SNAP23: variants seen among roughly 807,000 people sequenced by gnomAD.
SNAP23 encodes synaptosome associated protein 23, also known as synaptosomal-associated protein 23.
SNAP23 carries 11 observed loss-of-function variants against 29.0 expected under a neutral mutation model. That is an observed-to-expected ratio of 0.38 (90% CI 0.24 to 0.63). The LOEUF (loss-of-function observed/expected upper bound fraction) is 0.63. Among genes scored for constraint, SNAP23 ranks in the 20% least tolerant of loss-of-function variants. The pLI is 0.58. For missense variants in SNAP23, 220 were observed against 253.9 expected (o/e 0.87, Z 0.91); for synonymous variants, 60 against 82.9 (o/e 0.72, Z 1.50).
At chr15:42,496,427 G>C (rs1349006582) in intron 1 of SNAP23, among the ~76,000 whole-genome samples, 1 of 151,796 alleles carries the variant, frequency 6.6e-6, no homozygotes, top group South Asian at 2.1e-4. Flanking sequence ...CTATAAAGAA[G>C]TACCCAAGGC....
intron 5 of SNAP23, chr15:42,521,522 G>A (rs2057449314): frequency 2.7e-6 from 4 of 1,461,798 alleles, no homozygotes; most frequent in Non-Finnish European, 3.6e-6. Flanking sequence ...CTTTAAACCT[G>A]CTTCTGTTCT....
At chr15:42,502,290 C>G (rs1392835950) in intron 1 of SNAP23, among the ~76,000 whole-genome samples, 1 of 152,188 alleles carries the variant, frequency 6.6e-6, no homozygotes, top group Admixed American at 6.6e-5. Flanking sequence ...TCCCAAAGTG[C>G]TGGGATTACA....
At position 42,513,569 on chromosome 15, in the gene SNAP23, T is replaced by C. The variant is rs921110502; in HGVS notation, c.148+122T>C. ...TTCCCTTTGTAAAATAAGAATGTTA[T>C]GTTTACTTCTTGTCTTCTGATTTGA... is the stretch of plus-strand genomic sequence containing the variant. On this transcript the variant is annotated intron_variant, in intron 4 of 7. Transcript: ENST00000249647. 17 of 752,500 alleles carry C rather than the reference T, an allele frequency of 2.3e-5. No individual in the cohort carries two copies. In the African/African-American group the frequency reaches 3.0e-4, roughly 13 times the overall value. The allele number at this position is 752,500 out of a possible 1,614,324, so 46.6% of individuals were successfully genotyped here.
intron 1 of SNAP23, among the ~76,000 whole-genome samples, chr15:42,503,270 C>T (rs1177131294): frequency 5.3e-5 from 8 of 151,914 alleles, no homozygotes; most frequent in Admixed American, 2.0e-4. Context: ...GGTGCGATCT[C>T]GGCTAACTGC....
chr15:42,497,124 C>T (rs1285509805), intron 1 of SNAP23, among the ~76,000 whole-genome samples: 1 of 150,892 alleles, frequency 6.6e-6, no homozygotes, highest in Non-Finnish European at 1.5e-5. Context: ...CTTACTACAA[C>T]CTCCAACACT....
Position 42,528,345 on chromosome 15 carries a change from A to T in SNAP23, c.350A>T (p.Lys117Ile). The change falls in exon 6 of 8, where the codon AAA becomes ATA. Residue 117 changes from lysine (K) to isoleucine (I), a missense_variant. Lys to Ile is a moderately radical substitution (Grantham distance 102). Transcript: ENST00000249647. ...GENSPCNVVS[K>I]QPGPVTNGQL... ...AACTCACCTTGCAATGTAGTATCTA[A>T]ACAGCCAGGCCCGGTGACAAATGGT... 1 of 1,614,136 alleles carries T rather than the reference A, an allele frequency of 6.2e-7. No individual in the cohort carries two copies. The highest frequency in any genetic ancestry group is 8.5e-7 in the Non-Finnish European group (1 of 1,180,036).
chr15:42,523,830 A>G (rs1035854878), intron 5 of SNAP23, among the ~76,000 whole-genome samples: 6 of 148,398 alleles, frequency 4.0e-5, no homozygotes, highest in South Asian at 2.1e-4. Flanking sequence ...TTGTTTGTTT[A>G]TTTTTAGATG....
In SNAP23 at chr15:42,509,415, A is replaced by G. The variant is rs2057341572; in HGVS notation, c.-14-2418A>G. 2.0e-5 allele frequency among the ~76,000 whole-genome samples: 3 copies of G among 151,972 alleles called. No individual in the cohort carries two copies. In the South Asian group the frequency reaches 6.2e-4, roughly 32 times the overall value. On this transcript the variant is annotated intron_variant, in intron 1 of 7. Coordinates refer to ENST00000249647, the MANE Select transcript of SNAP23 (RefSeq NM_003825.4). Reference sequence around the variant, plus strand: ...TAAAATGCTTTTTTTCATGAGCACTAATGGCTTTAATCAAGGCTCAAAATC... The same window carrying G: ...TAAAATGCTTTTTTTCATGAGCACTGATGGCTTTAATCAAGGCTCAAAATC...
chr15:42,492,276 A>G (rs2057173783), upstream of SNAP23, among the ~76,000 whole-genome samples: 1 of 152,120 alleles, frequency 6.6e-6, no homozygotes, highest in Admixed American at 6.6e-5. Flanking sequence ...AGTGACTAAG[A>G]CTATCAGATA....
intron 5 of SNAP23, among the ~76,000 whole-genome samples, chr15:42,525,334 C>T (rs1417904701): frequency 2.1e-5 from 3 of 145,526 alleles, no homozygotes; most frequent in Non-Finnish European, 4.5e-5. Flanking sequence ...TGCCACTGCA[C>T]TCCAGCCTGG....
At chr15:42,503,935 T>A (rs2057296949) in intron 1 of SNAP23, among the ~76,000 whole-genome samples, 1 of 152,096 alleles carries the variant, frequency 6.6e-6, no homozygotes, top group Non-Finnish European at 1.5e-5. Flanking sequence ...ATTTGCATAG[T>A]TTTGGGGCCT....
intron 1 of SNAP23, among the ~76,000 whole-genome samples, chr15:42,497,828 T>C (rs528712275): frequency 6.6e-6 from 1 of 152,214 alleles, no homozygotes; most frequent in Non-Finnish European, 1.5e-5. Flanking sequence ...TAGTTACTTC[T>C]AAAGATGCTA....
chr15:42,503,691 C>T (rs1007721966), intron 1 of SNAP23, among the ~76,000 whole-genome samples: 4 of 151,890 alleles, frequency 2.6e-5, no homozygotes, highest in South Asian at 2.1e-4. Context: ...TTAGTAGAGA[C>T]GGGGTTTTTC....
rs377517821 is a variant in SNAP23, at chr15:42,513,957, G to C, written c.148+510G>C. Among the ~76,000 whole-genome samples the C allele has an allele frequency of 6.6e-5, 10 of 151,898 alleles. No homozygotes were observed. In the East Asian group the frequency reaches 1.9e-3, roughly 30 times the overall value. On this transcript the variant is annotated intron_variant, in intron 4 of 7. Transcript: ENST00000249647. Reference sequence around the variant, plus strand: ...GCTTCCTGAGTAGCTGAGATTACTGGTGCCCACCACCACACCCGGCTAAGT... The same window carrying C: ...GCTTCCTGAGTAGCTGAGATTACTGCTGCCCACCACCACACCCGGCTAAGT...
upstream of SNAP23, chr15:42,495,389 T>C (rs1400734438): frequency 6.6e-6 from 1 of 152,276 alleles, no homozygotes; most frequent in Non-Finnish European, 1.5e-5. Context: ...TCGCTTTCTT[T>C]TCTTCAGCGT....
chr15:42,508,198 A>G (rs1397948996), intron 1 of SNAP23, among the ~76,000 whole-genome samples: 1 of 151,374 alleles, frequency 6.6e-6, no homozygotes, highest in East Asian at 1.9e-4. Context: ...TGGGAGGGCA[A>G]GGCTGTAGTG....
upstream of SNAP23, chr15:42,495,174 A>G (rs1190817609): frequency 1.3e-5 from 2 of 152,206 alleles, no homozygotes; most frequent in Non-Finnish European, 2.9e-5. Context: ...GGGAACTCCT[A>G]CTTATCCTTC....
intron 5 of SNAP23, among the ~76,000 whole-genome samples, chr15:42,525,932 T>G (rs1427158376): frequency 6.6e-6 from 1 of 152,194 alleles, no homozygotes; most frequent in Non-Finnish European, 1.5e-5. Context: ...TGTAAAGAAT[T>G]TTTTCAAATA....
chr15:42,497,041 TTC>T, intron 1 of SNAP23, among the ~76,000 whole-genome samples: 1 of 141,822 alleles, frequency 7.1e-6, no homozygotes, highest in African/African-American at 2.9e-5. Context: ...CTTTCTTTCT[TTC>T]TTTTTTTTTT....
Sources: allele counts gnomAD v4.1 joint callset (sites outside exome capture counted in the v4.1 genomes callset), GRCh38; gene constraint gnomAD v4.1.1; transcripts MANE v1.5; gene names NCBI Gene and HGNC (gene_info 2026-07-23, HGNC 2026-07-21).